Variants in CELF4 observed in about 807,000 individuals in gnomAD.
CELF4 encodes the protein CUG-BP- and ETR-3-like factor 4.
A neutral mutation model predicts 59.9 loss-of-function variants in CELF4; 18 were observed. The observed-to-expected ratio is 0.30, with a 90% CI of 0.21 to 0.45. CELF4 has a LOEUF of 0.45. Ranked by LOEUF, CELF4 falls within the 20% of genes least tolerant of loss-of-function variation. CELF4 has a pLI of 1.00. For synonymous variants in CELF4, 261 were observed against 267.1 expected (o/e 0.98, Z 0.22); for missense variants, 456 against 689.0 (o/e 0.66, Z 3.79).
chr18:37,310,014 A>C (rs1429912654), intron 3 of CELF4, among the ~76,000 whole-genome samples: 1 of 151,382 alleles, frequency 6.6e-6, no homozygotes, highest in Non-Finnish European at 1.5e-5. Flanking sequence ...TTCTATTTGC[A>C]CTTGTCAATC....
At chr18:37,331,053 G>A (rs886950174) in intron 2 of CELF4, among the ~76,000 whole-genome samples, 2 of 152,166 alleles carry the variant, frequency 1.3e-5, no homozygotes, top group African/African-American at 2.4e-5. Context: ...TCCCCACTCT[G>A]AGGAGGCCAT....
chr18:37,509,519 G>GCAT (rs750017770), intron 1 of CELF4, among the ~76,000 whole-genome samples: 3 of 152,230 alleles, frequency 2.0e-5, no homozygotes, highest in African/African-American at 4.8e-5. Context: ...GAGAGAGCAG[G>GCAT]CATTGCATGA....
intron 2 of CELF4, among the ~76,000 whole-genome samples, chr18:37,448,606 G>A (rs1474730505): frequency 1.3e-5 from 2 of 152,236 alleles, no homozygotes; most frequent in African/African-American, 2.4e-5. Context: ...GCCCCTGACA[G>A]CGTCCTGGCA....
chr18:37,437,620 T>C (rs551766875), intron 2 of CELF4, among the ~76,000 whole-genome samples: 2 of 152,166 alleles, frequency 1.3e-5, no homozygotes, highest in Admixed American at 6.5e-5. Flanking sequence ...TCTCTTCCTG[T>C]GATGCACACT....
intron 2 of CELF4, among the ~76,000 whole-genome samples, chr18:37,409,577 T>G (rs1238886433): frequency 6.6e-6 from 1 of 152,152 alleles, no homozygotes; most frequent in Admixed American, 6.5e-5. Context: ...TGCACCCTGT[T>G]GTCGAGGTCC....
intron 2 of CELF4, among the ~76,000 whole-genome samples, chr18:37,326,558 C>T (rs1472430705): frequency 6.6e-6 from 1 of 152,176 alleles, no homozygotes; most frequent in African/African-American, 2.4e-5. Context: ...TGGTGTCTTC[C>T]TCCAGGTGCC....
At chr18:37,394,588 G>A (rs1332334838) in intron 2 of CELF4, among the ~76,000 whole-genome samples, 1 of 152,214 alleles carries the variant, frequency 6.6e-6, no homozygotes, top group Non-Finnish European at 1.5e-5. Flanking sequence ...CCCGGCAACG[G>A]GTAACTTTTC....
intron 2 of CELF4, among the ~76,000 whole-genome samples, chr18:37,484,145 T>C (rs2099876153): frequency 6.6e-6 from 1 of 152,180 alleles, no homozygotes; most frequent in Non-Finnish European, 1.5e-5. Flanking sequence ...ATGTGGTATT[T>C]TCTATTCCAT....
intron 2 of CELF4, among the ~76,000 whole-genome samples, chr18:37,413,999 C>A (rs939747021): frequency 6.6e-6 from 1 of 152,212 alleles, no homozygotes; most frequent in Admixed American, 6.5e-5. Flanking sequence ...GATCTCCACT[C>A]TCCAACCCAG....
At chr18:37,268,242 C>G (rs1428219154) in intron 8 of CELF4, among the ~76,000 whole-genome samples, 1 of 152,144 alleles carries the variant, frequency 6.6e-6, no homozygotes, top group African/African-American at 2.4e-5. Context: ...GGGGCTGTCC[C>G]AGTCCCACAC....
At chr18:37,274,694 G>A (rs1601815774) in intron 5 of CELF4, 111 bp downstream of exon 5, 2 of 1,498,376 alleles carry the variant, frequency 1.3e-6, no homozygotes, top group South Asian at 1.3e-5. Flanking sequence ...CCGGAATAAG[G>A]GTCATGCTTT....
chr18:37,507,656 A>C (rs569912254), intron 1 of CELF4, among the ~76,000 whole-genome samples: 1 of 152,160 alleles, frequency 6.6e-6, no homozygotes, highest in African/African-American at 2.4e-5. Flanking sequence ...CCTCCTAGAG[A>C]AGGCAGCTGT....
At chr18:37,353,216 G>A (rs2974273) in intron 2 of CELF4, among the ~76,000 whole-genome samples, 134,432 of 134,544 alleles carry the variant, frequency 1, 67,160 homozygotes, top group Middle Eastern at 1. Flanking sequence ...GTGAGACTCC[G>A]TCTCAAAAAA....
chr18:37,399,488 T>A (rs771789948), intron 2 of CELF4, among the ~76,000 whole-genome samples: 1 of 152,178 alleles, frequency 6.6e-6, no homozygotes, highest in Non-Finnish European at 1.5e-5. Flanking sequence ...TTACCCACTC[T>A]CAGGTATTCT....
chr18:37,361,375 TGAC>T (rs2098700609), intron 2 of CELF4, among the ~76,000 whole-genome samples: 1 of 152,196 alleles, frequency 6.6e-6, no homozygotes, highest in Non-Finnish European at 1.5e-5. Flanking sequence ...TCCAGCTGCC[TGAC>T]GGGTTCCTGT....
At chr18:37,391,325 C>A (rs551462722) in intron 2 of CELF4, among the ~76,000 whole-genome samples, 1 of 152,352 alleles carries the variant, frequency 6.6e-6, no homozygotes, top group African/African-American at 2.4e-5. Context: ...CTCTAAGGAG[C>A]AGCACCCTTG....
intron 2 of CELF4, among the ~76,000 whole-genome samples, chr18:37,369,631 C>T (rs575269427): frequency 1.3e-5 from 2 of 152,342 alleles, no homozygotes; most frequent in Non-Finnish European, 2.9e-5. Context: ...GCTACACCTA[C>T]ACTTGACTCC....
intron 2 of CELF4, among the ~76,000 whole-genome samples, chr18:37,380,582 C>T (rs575737320): frequency 6.6e-6 from 1 of 152,138 alleles, no homozygotes; most frequent in Non-Finnish European, 1.5e-5. Context: ...ATTTATCCAT[C>T]TATCCATCCA....
In CELF4 at chr18:37,393,200, C is replaced by A. The variant is rs151105628; in HGVS notation, c.370-71319G>T. On this transcript the variant is annotated intron_variant, in intron 2 of 12. Transcript: ENST00000420428. Reference sequence around the variant, plus strand: ...GGTTCCTCTCGGGGATACCCTGATGCCCTCCTGCTACCTCCTGGTCAAGGG... The same window carrying A: ...GGTTCCTCTCGGGGATACCCTGATGACCTCCTGCTACCTCCTGGTCAAGGG... Among the ~76,000 whole-genome samples, 873 of 152,244 alleles carry A rather than the reference C, an allele frequency of 5.7e-3. 13 individuals carry two copies. The highest frequency in any genetic ancestry group is 0.02 in the African/African-American group (836 of 41,520).
Sources: allele counts gnomAD v4.1 joint callset (sites outside exome capture counted in the v4.1 genomes callset), GRCh38; gene constraint gnomAD v4.1.1; transcripts MANE v1.5; gene names NCBI Gene and HGNC (gene_info 2026-07-23, HGNC 2026-07-21).